PUDP: variants seen among roughly 807,000 people sequenced by gnomAD.
The protein encoded by PUDP is pseudouridine-5'-phosphatase.
PUDP carries 8 observed loss-of-function variants against 9.4 expected under a neutral mutation model. The ratio of observed to expected loss-of-function variants is 0.85; its 90% confidence interval spans 0.50 to 1.53. The LOEUF (loss-of-function observed/expected upper bound fraction) is 1.53, where lower values mean the gene tolerates loss of function less well. Ranked by LOEUF, PUDP falls within the 40% of genes most tolerant of loss-of-function variation. The pLI is 0.00. For missense variants in PUDP, 188 were observed against 189.7 expected, an observed-to-expected ratio of 0.99 and a Z score of 0.05; for synonymous variants, 99 against 80.7, an observed-to-expected ratio of 1.23 and a Z score of -1.22.
chrX:7,023,327 G>A (rs1378186703), intron 1 of PUDP, among the ~76,000 whole-genome samples: 1 of 111,841 alleles, frequency 8.9e-6, no homozygotes, highest in Non-Finnish European at 1.9e-5. Context: ...AAATGTCTAG[G>A]CATGCAAAGA....
chrX:7,062,123 T>C (rs1751860417), intron 3 of PUDP, among the ~76,000 whole-genome samples: 1 of 112,229 alleles, frequency 8.9e-6, no homozygotes, highest in African/African-American at 3.2e-5. Context: ...TATCAGCAAT[T>C]CAAGCATGTT....
chrX:7,139,329 T>C (rs1932774942), intron 1 of PUDP, among the ~76,000 whole-genome samples: 1 of 112,035 alleles, frequency 8.9e-6, no homozygotes, highest in African/African-American at 3.3e-5. Flanking sequence ...AATTAGTCAT[T>C]GGGGGCTATT....
At chrX:6,781,219 T>C (rs1925556345) in intron 3 of PUDP, among the ~76,000 whole-genome samples, 1 of 111,324 alleles carries the variant, frequency 9.0e-6, no homozygotes, top group African/African-American at 3.3e-5. Flanking sequence ...TATCACACCA[T>C]GGCATGACTT....
chrX:7,102,675 G>A (rs1475253894), intron 2 of PUDP, among the ~76,000 whole-genome samples: 2 of 109,197 alleles, frequency 1.8e-5, no homozygotes, highest in African/African-American at 6.7e-5. Flanking sequence ...CATATATATA[G>A]AAATCACTAC....
chrX:6,733,868 C>T (rs1426604739), intron 3 of PUDP, among the ~76,000 whole-genome samples: 1 of 102,993 alleles, frequency 9.7e-6, no homozygotes, highest in Non-Finnish European at 2.0e-5. Context: ...GCCTCCACCT[C>T]CCGGATTCAA....
chrX:6,752,164 A>G (rs929557798), intron 3 of PUDP, among the ~76,000 whole-genome samples: 3 of 111,285 alleles, frequency 2.7e-5, no homozygotes, highest in African/African-American at 9.8e-5. Flanking sequence ...ATCACTTCAA[A>G]TTCTCTCTCC....
intron 1 of PUDP, among the ~76,000 whole-genome samples, chrX:6,720,211 T>C (rs1416249071): frequency 1.2e-5 from 1 of 84,040 alleles, no homozygotes. Context: ...TATGTGTGTA[T>C]ATATATATGT....
At chrX:6,828,542 T>G (rs1270219705) in intron 3 of PUDP, among the ~76,000 whole-genome samples, 1 of 111,897 alleles carries the variant, frequency 8.9e-6, no homozygotes, top group Non-Finnish European at 1.9e-5. Context: ...TGACCTTCCA[T>G]GGACACATCA....
intron 3 of PUDP, among the ~76,000 whole-genome samples, chrX:6,916,191 TACACACAC>T (rs747162229): frequency 0.11 from 7,713 of 69,685 alleles, 491 homozygotes; most frequent in Middle Eastern, 0.15. Flanking sequence ...ATGCTTTTTC[TACACACAC>T]ACACACACAC....
At chrX:6,980,293 T>G (rs1929014899) in intron 1 of PUDP, among the ~76,000 whole-genome samples, 1 of 109,222 alleles carries the variant, frequency 9.2e-6, no homozygotes, top group African/African-American at 3.3e-5. Flanking sequence ...ACTGCAGCCT[T>G]AACCTCCTAG....
At chrX:7,142,886 A>C (rs1379767810) in intron 1 of PUDP, among the ~76,000 whole-genome samples, 1 of 110,889 alleles carries the variant, frequency 9.0e-6, no homozygotes, top group African/African-American at 3.3e-5. Context: ...CCTGACCTCA[A>C]GTGATCTGCC....
At chrX:6,718,719 A>AG (rs763322609) in intron 1 of PUDP, among the ~76,000 whole-genome samples, 2 of 111,887 alleles carry the variant, frequency 1.8e-5, no homozygotes, top group South Asian at 3.8e-4. Flanking sequence ...ATGTAAAAAA[A>AG]CTGCACTTGT....
intron 3 of PUDP, among the ~76,000 whole-genome samples, chrX:6,955,335 A>T (rs747569490): frequency 1.8e-5 from 2 of 109,863 alleles, no homozygotes; most frequent in East Asian, 5.7e-4. Flanking sequence ...ATCCTTCTAC[A>T]TTAGCCTCCC....
At chrX:7,139,481 G>T (rs367962869) in intron 1 of PUDP, among the ~76,000 whole-genome samples, 7 of 111,728 alleles carry the variant, frequency 6.3e-5, no homozygotes, top group African/African-American at 2.3e-4. Flanking sequence ...ACACAGTGCT[G>T]GGCTAGAGAG....
intron 3 of PUDP, among the ~76,000 whole-genome samples, chrX:6,900,759 A>G (rs1007992280): frequency 2.8e-5 from 3 of 106,780 alleles, no homozygotes; most frequent in Non-Finnish European, 3.9e-5. Flanking sequence ...CAGATGACCA[A>G]TTTTTTTTGT....
chrX:6,830,938 G>A (rs768478560), intron 3 of PUDP, among the ~76,000 whole-genome samples: 2 of 111,977 alleles, frequency 1.8e-5, no homozygotes, highest in East Asian at 2.8e-4. Flanking sequence ...ACACAGAGCC[G>A]GCTGTACAGG....
chrX:7,102,337 A>G (rs1451628087), intron 2 of PUDP, among the ~76,000 whole-genome samples: 1 of 109,778 alleles, frequency 9.1e-6, no homozygotes, highest in African/African-American at 3.3e-5. Context: ...AAAAAAAACA[A>G]AAACCGCAAT....
intron 3 of PUDP, among the ~76,000 whole-genome samples, chrX:6,877,207 C>T (rs965310741): frequency 4.5e-5 from 5 of 110,565 alleles, no homozygotes; most frequent in Non-Finnish European, 9.5e-5. Flanking sequence ...GATTCTTTGG[C>T]CTCAGCCTCC....
intron 3 of PUDP, among the ~76,000 whole-genome samples, chrX:7,061,342 C>T (rs1930396216): frequency 9.0e-6 from 1 of 111,376 alleles, no homozygotes; most frequent in African/African-American, 3.3e-5. Flanking sequence ...TGTATTGGTG[C>T]TTGATACATT....
Sources: gnomAD v4.1 joint callset for allele counts (sites outside exome capture counted in the v4.1 genomes callset) on GRCh38, gnomAD v4.1.1 for gene constraint, MANE v1.5 for transcripts, NCBI Gene and HGNC (gene_info 2026-07-23, HGNC 2026-07-21) for gene names.